CNTN5: variants seen among roughly 807,000 people sequenced by gnomAD.
CNTN5 encodes contactin-5.
In CNTN5, 77 loss-of-function variants were observed where a neutral mutation model predicts 129.1. The ratio of observed to expected loss-of-function variants is 0.60; its 90% CI spans 0.50 to 0.72. The LOEUF is 0.72. Ranked by LOEUF, CNTN5 falls within the 30% of genes least tolerant of loss-of-function variation. CNTN5 has a pLI of 0.00. For missense variants in CNTN5, 1,478 were observed against 1,328.8 expected, an observed-to-expected ratio of 1.11 and a Z score of -1.75; for synonymous variants, 509 against 465.6, an observed-to-expected ratio of 1.09 and a Z score of -1.20.
chr11:100,037,466 G>A (rs1185145174), intron 9 of CNTN5, among the ~76,000 whole-genome samples: 5 of 152,152 alleles, frequency 3.3e-5, no homozygotes, highest in Non-Finnish European at 7.4e-5. Flanking sequence ...TTGGTATCAG[G>A]ATGATGCTGG....
chr11:99,461,628 T>G (rs1247127225), intron 2 of CNTN5, among the ~76,000 whole-genome samples: 2 of 152,160 alleles, frequency 1.3e-5, no homozygotes, highest in Non-Finnish European at 2.9e-5. Flanking sequence ...AATATAGTAG[T>G]AAATTTCTGA....
chr11:99,959,623 T>G (rs1272579045), intron 8 of CNTN5, among the ~76,000 whole-genome samples: 1 of 152,226 alleles, frequency 6.6e-6, no homozygotes, highest in Non-Finnish European at 1.5e-5. Flanking sequence ...TTAATTGAAC[T>G]GACTGTAGCA....
intron 3 of CNTN5, among the ~76,000 whole-genome samples, chr11:99,666,090 C>T (rs971215347): frequency 6.6e-6 from 1 of 152,042 alleles, no homozygotes; most frequent in Non-Finnish European, 1.5e-5. Context: ...GCCTCAGCCT[C>T]CCCATTAGCT....
intron 3 of CNTN5, among the ~76,000 whole-genome samples, chr11:99,574,793 C>T (rs1324786575): frequency 5.9e-5 from 9 of 151,330 alleles, no homozygotes; most frequent in Non-Finnish European, 1.3e-4. Context: ...TTTTAAGTTT[C>T]TTGTAGATTC....
chr11:99,129,854 A>G (rs1449894298), intron 1 of CNTN5, among the ~76,000 whole-genome samples: 1 of 152,228 alleles, frequency 6.6e-6, no homozygotes, highest in Non-Finnish European at 1.5e-5. Flanking sequence ...TTTCATATCC[A>G]GCCAAACTAA....
chr11:100,061,342 G>A lies in CNTN5; in HGVS notation c.1111G>A (p.Ala371Thr). 1 of 1,607,244 alleles carries A rather than the reference G, an allele frequency of 6.2e-7. No homozygotes were observed. Among genetic ancestry groups the A allele is most frequent in the Non-Finnish European group, 8.5e-7 (1 of 1,174,642 alleles). ...LDDAGIYECR[A>T]ENSRGKNSFR... ...TGATGCAGGCATTTATGAGTGCAGAGCTGAAAACTCACGTGGAAAAAATTC... is the reference window on the plus strand; with the variant it reads ...TGATGCAGGCATTTATGAGTGCAGAACTGAAAACTCACGTGGAAAAAATTC... Residue 371 changes from alanine (A) to threonine (T), a missense_variant, in exon 10 of 25, where the codon GCT becomes ACT. By Grantham distance (58) the Ala-to-Thr change is moderately conservative (BLOSUM62 0). Transcript: ENST00000524871.
At position 99,383,146 on chromosome 11, in the gene CNTN5, C is replaced by T. The variant is rs187022040; in HGVS notation, c.-71+57662C>T. Among the ~76,000 whole-genome samples the T allele has an allele frequency of 4.2e-3, 638 of 152,008 alleles. 2 individuals are homozygous for T. The highest frequency in any genetic ancestry group is 0.015 in the African/African-American group (610 of 41,472). ...CTGGGATAACAGGCAGGAGCCACCA[C>T]GCCTGGCCTCTAAATAACTTTTATT... On this transcript the variant is annotated intron_variant, in intron 2 of 24. Coordinates refer to ENST00000524871, the MANE Select transcript of CNTN5 (RefSeq NM_014361.4).
chr11:100,227,603 C>G lies in CNTN5; in HGVS notation c.2005+2791C>G, dbSNP rs975336794. 9.9e-5 allele frequency among the ~76,000 whole-genome samples: 15 copies of G among 152,200 alleles called. 1 individual carries two copies. Among genetic ancestry groups the G allele is most frequent in the African/African-American group, 3.6e-4 (15 of 41,530 alleles). On this transcript the variant is annotated intron_variant, in intron 16 of 24. Coordinates refer to ENST00000524871, the MANE Select transcript of CNTN5 (RefSeq NM_014361.4). ...CTGAAGCATAAAGTCACTTGCTTTCCCAAATTTAATATTCAGTGAACCAGC... is the reference window on the plus strand; with the variant it reads ...CTGAAGCATAAAGTCACTTGCTTTCGCAAATTTAATATTCAGTGAACCAGC...
intron 3 of CNTN5, among the ~76,000 whole-genome samples, chr11:99,789,570 C>T (rs997810973): frequency 6.6e-6 from 1 of 151,942 alleles, no homozygotes; most frequent in Non-Finnish European, 1.5e-5. Flanking sequence ...TCCTTTGCTT[C>T]CATCAGCTGT....
At chr11:99,315,696 T>C (rs1271560028) in intron 1 of CNTN5, among the ~76,000 whole-genome samples, 1 of 149,314 alleles carries the variant, frequency 6.7e-6, no homozygotes, top group East Asian at 2.0e-4. Flanking sequence ...ATATAGAAAG[T>C]CTATATGGGT....
intron 18 of CNTN5, among the ~76,000 whole-genome samples, chr11:100,276,369 T>A (rs1189005708): frequency 6.6e-6 from 1 of 151,830 alleles, no homozygotes; most frequent in Non-Finnish European, 1.5e-5. Context: ...GCAAAAACCA[T>A]CTCTGCTAAA....
intron 1 of CNTN5, among the ~76,000 whole-genome samples, chr11:99,233,846 T>TGA (rs1378883290): frequency 1.3e-5 from 2 of 152,040 alleles, no homozygotes; most frequent in African/African-American, 4.8e-5. Flanking sequence ...CTTGGGAGGC[T>TGA]GAGGCAGGAG....
intron 1 of CNTN5, among the ~76,000 whole-genome samples, chr11:99,311,101 G>T (rs1865094071): frequency 6.6e-6 from 1 of 152,006 alleles, no homozygotes; most frequent in African/African-American, 2.4e-5. Context: ...GATAATTTTT[G>T]TATTTTTAGT....
At chr11:99,331,386 G>T (rs1865993194) in intron 2 of CNTN5, among the ~76,000 whole-genome samples, 1 of 152,056 alleles carries the variant, frequency 6.6e-6, no homozygotes, top group Non-Finnish European at 1.5e-5. Flanking sequence ...ACTATAGATA[G>T]ATGTAGGACT....
intron 4 of CNTN5, 73 bp from the exon 5 acceptor site, chr11:99,844,779 A>T (rs550979328): frequency 7.0e-7 from 1 of 1,431,952 alleles, no homozygotes; most frequent in South Asian, 1.3e-5. Context: ...TATAAGTAAG[A>T]TGGAAAAGAA....
chr11:99,372,676 T>C (rs893105599), intron 2 of CNTN5, among the ~76,000 whole-genome samples: 19 of 152,228 alleles, frequency 1.2e-4, no homozygotes, highest in African/African-American at 4.6e-4. Flanking sequence ...GGACGCACTT[T>C]TTTTCTTTAT....
intron 7 of CNTN5, among the ~76,000 whole-genome samples, chr11:99,933,040 C>T (rs1246308752): frequency 6.6e-6 from 1 of 152,122 alleles, no homozygotes; most frequent in Non-Finnish European, 1.5e-5. Context: ...TTGATAACTA[C>T]TGTTTATTAA....
intron 3 of CNTN5, among the ~76,000 whole-genome samples, chr11:99,779,913 G>A (rs1341075270): frequency 1.3e-5 from 2 of 151,874 alleles, no homozygotes; most frequent in Non-Finnish European, 2.9e-5. Context: ...TGCCACCCTT[G>A]TAGTCAGGAC....
chr11:99,467,467 T>A (rs942739875), intron 2 of CNTN5, among the ~76,000 whole-genome samples: 3 of 152,210 alleles, frequency 2.0e-5, no homozygotes, highest in African/African-American at 7.2e-5. Flanking sequence ...GTTTAATCAC[T>A]AATTTGTCAT....
Sources: gnomAD v4.1 joint callset for allele counts (sites outside exome capture counted in the v4.1 genomes callset) on GRCh38, gnomAD v4.1.1 for gene constraint, MANE v1.5 for transcripts, NCBI Gene and HGNC (gene_info 2026-07-23, HGNC 2026-07-21) for gene names.